ABCA6: variants seen among roughly 807,000 people sequenced by gnomAD.
ABCA6 encodes the protein ATP-binding cassette sub-family A member 6.
A neutral mutation model predicts 191.2 loss-of-function variants in ABCA6; 164 were observed. The ratio of observed to expected loss-of-function variants is 0.86; its 90% CI spans 0.76 to 0.98. The LOEUF is 0.98. ABCA6 is among the 50% of genes least tolerant of loss of function. The pLI, the probability that ABCA6 is intolerant of heterozygous loss-of-function variation, is 0.00. For missense variants in ABCA6, 1,958 were observed against 1,894.1 expected, an observed-to-expected ratio of 1.03 and a Z score of -0.63; for synonymous variants, 636 against 647.7, an observed-to-expected ratio of 0.98 and a Z score of 0.27.
At chr17:69,084,551 T>C in intron 32 of ABCA6, 44 bp from the exon 33 acceptor site, 2 of 1,594,394 alleles carry the variant, frequency 1.3e-6, no homozygotes, top group Non-Finnish European at 1.7e-6. Flanking sequence ...GACAAGGTTT[T>C]TGGAAAATCC....
chr17:69,138,109 A>C (rs546468346), intron 2 of ABCA6, among the ~76,000 whole-genome samples: 4 of 152,258 alleles, frequency 2.6e-5, no homozygotes, highest in African/African-American at 7.2e-5. Context: ...AACTTTCTAT[A>C]TTCTCACTGT....
In ABCA6 at chr17:69,135,946, A is replaced by ATT. The variant is rs762685037; in HGVS notation, c.460+144_460+145dup. ...AGTCATCCTGTAGTAGGAACATACG[A>ATT]TTGACCTTGAAATAAGTTCAGCAAT... On this transcript the variant is annotated intron_variant, in intron 4 of 38. Coordinates refer to ENST00000284425, the MANE Select transcript of ABCA6 (RefSeq NM_080284.3). The ATT allele has an allele frequency of 1.3e-5, 10 of 775,590 alleles. 1 individual carries two copies. Among genetic ancestry groups the ATT allele is most frequent in the Middle Eastern group, 4.7e-4 (2 of 4,262 alleles). The allele number at this position is 775,590 out of a possible 1,614,324, so 48.0% of individuals were successfully genotyped here.
chr17:69,116,304 G>C (rs1413143422), intron 11 of ABCA6, among the ~76,000 whole-genome samples: 1 of 152,086 alleles, frequency 6.6e-6, no homozygotes. Context: ...AGGCCTAAAT[G>C]TAAAATGGTA....
At chr17:69,125,865 T>G (rs574313899) in intron 8 of ABCA6, among the ~76,000 whole-genome samples, 1 of 152,242 alleles carries the variant, frequency 6.6e-6, no homozygotes, top group South Asian at 2.1e-4. Flanking sequence ...AGAAAAACCA[T>G]TTGGTAAAAT....
intron 17 of ABCA6, chr17:69,110,410 A>T: frequency 5.4e-6 from 1 of 184,446 alleles, no homozygotes; most frequent in Non-Finnish European, 1.1e-5. Flanking sequence ...ATGCTCTCGT[A>T]GGCATCCCTT....
At chr17:69,125,094 G>A in intron 8 of ABCA6, 59 bp from the exon 9 acceptor site, 1 of 940,842 alleles carries the variant, frequency 1.1e-6, no homozygotes. Flanking sequence ...GCTTGGCATA[G>A]CAGGAAAAAG....
intron 2 of ABCA6, among the ~76,000 whole-genome samples, chr17:69,139,382 C>G (rs976816782): frequency 6.6e-6 from 1 of 152,152 alleles, no homozygotes; most frequent in African/African-American, 2.4e-5. Flanking sequence ...AAATGCAAAT[C>G]AAAACCACAA....
chr17:69,138,662 A>G (rs541415589), intron 2 of ABCA6, among the ~76,000 whole-genome samples: 7 of 151,516 alleles, frequency 4.6e-5, no homozygotes, highest in African/African-American at 1.7e-4. Context: ...AAAAGAACAA[A>G]GCTGGAGGCA....
intron 6 of ABCA6, among the ~76,000 whole-genome samples, chr17:69,132,406 G>T (rs1008357155): frequency 1.3e-5 from 2 of 152,120 alleles, no homozygotes; most frequent in African/African-American, 4.8e-5. Context: ...TGTATGATTT[G>T]CATTCCTATC....
At chr17:69,097,880 G>T (rs754000486) in intron 23 of ABCA6, 40 bp downstream of exon 23, 2 of 1,441,186 alleles carry the variant, frequency 1.4e-6, no homozygotes, top group African/African-American at 1.4e-5. Flanking sequence ...TACAGATATT[G>T]AAATTCCTGA....
chr17:69,098,072 T>C (rs775952247), intron 22 of ABCA6, 45 bp from the exon 23 acceptor site: 3 of 1,393,006 alleles, frequency 2.2e-6, no homozygotes, highest in Admixed American at 2.5e-5. Context: ...ATTTGTTAAA[T>C]GAAACAAATA....
rs1184822440 is a variant in ABCA6 at position 69,125,005 on chromosome 17, C to T, written c.1150G>A (p.Val384Ile). Reference protein sequence around the residue: ...IIKLDYNLNGVIFPDPSGDSY... With the variant: ...IIKLDYNLNGIIFPDPSGDSY... ...TCTCCTGAAGGGTCAGGAAAAATTACACCATTCAAGTTATAATCCAGTTTG... is the reference window on the plus strand; with the variant it reads ...TCTCCTGAAGGGTCAGGAAAAATTATACCATTCAAGTTATAATCCAGTTTG... Residue 384 changes from valine to isoleucine, a missense_variant, in exon 9 of 39, where the codon GTA (valine) becomes ATA (isoleucine). By Grantham distance (29) the Val-to-Ile change is conservative. Coordinates refer to ENST00000284425, the MANE Select transcript of ABCA6 (RefSeq NM_080284.3). 2.7e-6 allele frequency: 4 copies of T among 1,466,942 alleles called. No homozygotes were observed. The highest frequency in any genetic ancestry group is 2.7e-6 in the Non-Finnish European group (3 of 1,095,656). The allele number at this position is 1,466,942 out of a possible 1,614,324, so 90.9% of individuals were successfully genotyped here. A position where few individuals can be genotyped will look rare whatever the true frequency, so the allele number is the denominator to read the frequency against.
At chr17:69,128,843 A>G (rs992929463) in intron 7 of ABCA6, 39 bp from the exon 8 acceptor site, 1 of 1,488,082 alleles carries the variant, frequency 6.7e-7, no homozygotes, top group African/African-American at 1.4e-5. Context: ...TATAAAAAAT[A>G]TTTAGCTCAC....
chr17:69,081,185 A>G, intron 36 of ABCA6, 40 bp from the exon 37 acceptor site: 1 of 1,119,414 alleles, frequency 8.9e-7, no homozygotes, highest in Non-Finnish European at 1.3e-6. Flanking sequence ...CTGAGTTTCA[A>G]GGGGAGAAAA....
rs2073303433 is a variant in ABCA6 at position 69,106,309 on chromosome 17, A to G, written c.2390-98T>C. The stretch of plus-strand genomic sequence containing the variant: ...TTAGTAATATTAAAAATAGTATTAC[A>G]TGGCCAGGCATGGTGGCTTATGCCT... On this transcript the variant is annotated intron_variant, in intron 18 of 38. Coordinates refer to ENST00000284425, the MANE Select transcript of ABCA6 (RefSeq NM_080284.3). 4.3e-6 allele frequency: 5 copies of G among 1,167,526 alleles called. No homozygotes were observed. The South Asian group carries it at 9.3e-5, about 22-fold the overall frequency. 72.3% of individuals were successfully genotyped at this position (1,167,526 alleles called of 1,614,324 possible).
chr17:69,099,568 G>C (rs1275610701), intron 22 of ABCA6: 1 of 154,244 alleles, frequency 6.5e-6, no homozygotes, highest in Non-Finnish European at 1.5e-5. Context: ...TTCTTTTGAA[G>C]GATAGCAGCA....
rs776909948 is a variant in ABCA6, at chr17:69,106,225, C to T, written c.2390-14G>A. On this transcript the variant is annotated splice_polypyrimidine_tract_variant and intron_variant, in intron 18 of 38. Coordinates refer to ENST00000284425, the MANE Select transcript of ABCA6 (RefSeq NM_080284.3). ...CTTGTTCGAAATCTATAAACACACA[C>T]ATACACAAACACACATATTATAATA... is the stretch of plus-strand genomic sequence containing the variant. 2 of 1,602,544 alleles carry T rather than the reference C, an allele frequency of 1.2e-6. No individual in the cohort carries two copies. The highest frequency in any genetic ancestry group is 1.7e-6 in the Non-Finnish European group (2 of 1,174,938).
intron 15 of ABCA6, chr17:69,112,562 C>G (rs1449641064): frequency 3.8e-5 from 11 of 292,204 alleles, no homozygotes; most frequent in Non-Finnish European, 6.4e-5. Flanking sequence ...AACAGAAAGT[C>G]AAATACTGCA....
chr17:69,110,989 T>A (rs1568018076), intron 16 of ABCA6, 49 bp from the exon 17 acceptor site: 3 of 1,527,286 alleles, frequency 2.0e-6, no homozygotes, highest in Non-Finnish European at 2.6e-6. Context: ...TCCACCACTA[T>A]CACAAAAGAA....
Sources: gnomAD v4.1 joint callset for allele counts (sites outside exome capture counted in the v4.1 genomes callset) on GRCh38, gnomAD v4.1.1 for gene constraint, MANE v1.5 for transcripts, NCBI Gene and HGNC (gene_info 2026-07-23, HGNC 2026-07-21) for gene names.